DNAAF10: variants seen among roughly 807,000 people sequenced by gnomAD.
DNAAF10 encodes the protein dynein axonemal assembly factor 10.
DNAAF10 carries 28 observed loss-of-function variants against 43.7 expected under a neutral mutation model. That is an observed-to-expected ratio of 0.64 (90% CI 0.48 to 0.88). DNAAF10 has a LOEUF of 0.88. Ranked by LOEUF, DNAAF10 falls within the 40% of genes least tolerant of loss-of-function variation. The pLI, the probability that DNAAF10 is intolerant of heterozygous loss-of-function variation, is 0.00. For missense variants in DNAAF10, 403 were observed against 439.1 expected, an observed-to-expected ratio of 0.92 and a Z score of 0.73; for synonymous variants, 156 against 157.3, an observed-to-expected ratio of 0.99 and a Z score of 0.06.
intron 1 of DNAAF10, among the ~76,000 whole-genome samples, chr2:68,149,327 A>C (rs902326067): frequency 3.3e-5 from 5 of 152,200 alleles, no homozygotes; most frequent in African/African-American, 4.8e-5. Flanking sequence ...TACGTGGCCA[A>C]GTCTAAAAGC....
intron 4 of DNAAF10, among the ~76,000 whole-genome samples, chr2:68,139,094 T>A (rs1673115338): frequency 6.6e-6 from 1 of 152,182 alleles, no homozygotes; most frequent in Admixed American, 6.5e-5. Context: ...TCCCCCCAAA[T>A]CTGATGTTGA....
chr2:68,153,345 T>TAAAAAAA (rs775794947), intron 1 of DNAAF10, among the ~76,000 whole-genome samples: 8 of 98,730 alleles, frequency 8.1e-5, no homozygotes, highest in African/African-American at 1.1e-4. Context: ...AGTGATAAAT[T>TAAAAAAA]AAAAAAAAAA....
chr2:68,135,196 A>T (rs1572916528), intron 6 of DNAAF10, among the ~76,000 whole-genome samples: 1 of 152,182 alleles, frequency 6.6e-6, no homozygotes, highest in Non-Finnish European at 1.5e-5. Context: ...GGACTGAATT[A>T]AAAAAATACA....
At chr2:68,131,508 A>G (rs1672931008) in intron 7 of DNAAF10, 63 bp from the exon 8 acceptor site, 1 of 1,506,142 alleles carries the variant, frequency 6.6e-7, no homozygotes, top group South Asian at 1.1e-5. Flanking sequence ...TTATTTTTAT[A>G]CATACACTTC....
Position 68,134,161 on chromosome 2 carries a change from T to C in DNAAF10, c.866+541A>G, listed in dbSNP as rs75479254. The C allele has an allele frequency of 7.9e-4, 778 of 985,662 alleles. 6 individuals are homozygous for C. The African/African-American group carries it at 0.013, about 16-fold the overall frequency. 61.1% of individuals were successfully genotyped at this position (985,662 alleles called of 1,614,324 possible). Reference sequence around the variant, plus strand: ...TTCACAGGCCAACCCTGAGCAATGATATCAGACCTTTTAAATGATCTAGTA... The same window carrying C: ...TTCACAGGCCAACCCTGAGCAATGACATCAGACCTTTTAAATGATCTAGTA... On this transcript the variant is annotated intron_variant, in intron 7 of 7. Coordinates refer to ENST00000295121, the MANE Select transcript of DNAAF10 (RefSeq NM_138458.4).
Position 68,135,027 on chromosome 2 carries a change from G to A in DNAAF10, c.769-228C>T, listed in dbSNP as rs578064391. Among the ~76,000 whole-genome samples the A allele has an allele frequency of 3.2e-4, 48 of 152,034 alleles. 1 individual carries two copies. The highest frequency in any genetic ancestry group is 1.2e-3 in the Admixed American group (18 of 15,278). On this transcript the variant is annotated intron_variant, in intron 6 of 7. Coordinates refer to ENST00000295121, the MANE Select transcript of DNAAF10 (RefSeq NM_138458.4). ...TTGCTTTATGAAACAAAGTTCTACT[G>A]GATTTTTAAAAAGACAGGTATTAAA...
chr2:68,131,211 C>A lies in DNAAF10; in HGVS notation c.*27G>T. 6.2e-7 allele frequency: 1 copy of A among 1,612,768 alleles called. No individual in the cohort carries two copies. Among genetic ancestry groups the A allele is most frequent in the South Asian group, 1.1e-5 (1 of 91,032 alleles). On this transcript the variant is annotated 3_prime_UTR_variant, in exon 8 of 8. Coordinates refer to ENST00000295121, the MANE Select transcript of DNAAF10 (RefSeq NM_138458.4). ...GGGATTACAGGAGTGAGCCACCGTG[C>A]CCAGCCTCAAGTCCAAAGTCTTGAA...
intron 5 of DNAAF10, among the ~76,000 whole-genome samples, chr2:68,137,842 G>A (rs2103886790): frequency 6.7e-6 from 1 of 149,664 alleles, no homozygotes; most frequent in Admixed American, 6.7e-5. Flanking sequence ...ACTCCATCCT[G>A]GGCGACAGAG....
chr2:68,154,543 G>C (rs951250802), intron 1 of DNAAF10, among the ~76,000 whole-genome samples: 2 of 152,186 alleles, frequency 1.3e-5, no homozygotes, highest in African/African-American at 4.8e-5. Flanking sequence ...ACCACACCCG[G>C]CGTGAAAATA....
chr2:68,134,625 GA>G (rs371418782), intron 7 of DNAAF10, 76 bp downstream of exon 7: 11 of 1,567,076 alleles, frequency 7.0e-6, no homozygotes, highest in South Asian at 4.9e-5. Context: ...GGAAAAAAAA[GA>G]AAAAAAAGTT....
intron 1 of DNAAF10, among the ~76,000 whole-genome samples, chr2:68,153,585 G>A (rs1673508144): frequency 6.6e-6 from 1 of 151,932 alleles, no homozygotes; most frequent in African/African-American, 2.4e-5. Flanking sequence ...ATTTCTAGGG[G>A]TGGGACCAAG....
chr2:68,139,166 C>G (rs1007126798), intron 4 of DNAAF10, among the ~76,000 whole-genome samples: 34 of 152,172 alleles, frequency 2.2e-4, no homozygotes, highest in African/African-American at 8.2e-4. Flanking sequence ...GGGGCTGGAT[C>G]CCTCGTGAAT....
intron 5 of DNAAF10, among the ~76,000 whole-genome samples, chr2:68,138,417 G>A (rs1250423837): frequency 1.3e-5 from 2 of 152,138 alleles, no homozygotes; most frequent in East Asian, 3.9e-4. Flanking sequence ...TACTGTTTCA[G>A]GCTTTCTGAT....
intron 7 of DNAAF10, 30 bp from the exon 8 acceptor site, chr2:68,131,475 C>T: frequency 1.4e-6 from 2 of 1,458,778 alleles, no homozygotes; most frequent in Non-Finnish European, 9.4e-7. Flanking sequence ...GGTAAGAGCG[C>T]ATAAATCTTA....
chr2:68,150,576 T>C (rs1673432355), intron 1 of DNAAF10, among the ~76,000 whole-genome samples: 1 of 151,526 alleles, frequency 6.6e-6, no homozygotes, highest in Non-Finnish European at 1.5e-5. Flanking sequence ...CTACTAAAAA[T>C]ACAAAAATTA....
chr2:68,144,103 C>A (rs775636424), intron 3 of DNAAF10, among the ~76,000 whole-genome samples: 4 of 152,176 alleles, frequency 2.6e-5, no homozygotes, highest in Non-Finnish European at 5.9e-5. Flanking sequence ...TTGTTGGTCA[C>A]TGCAGGGTGG....
At chr2:68,137,256 G>C (rs758605538) in intron 6 of DNAAF10, 43 bp downstream of exon 6, 1 of 1,585,172 alleles carries the variant, frequency 6.3e-7, no homozygotes, top group Non-Finnish European at 8.6e-7. Flanking sequence ...TCTAAACCAA[G>C]CTATCATTCT....
chr2:68,134,463 A>G lies in DNAAF10; in HGVS notation c.866+239T>C, dbSNP rs543997909. 1.7e-5 allele frequency: 22 copies of G among 1,285,558 alleles called. No individual in the cohort carries two copies. The South Asian group carries it at 3.8e-4, about 22-fold the overall frequency. 79.6% of individuals were successfully genotyped at this position (1,285,558 alleles called of 1,614,324 possible). A position where few individuals can be genotyped will look rare whatever the true frequency, so the allele number is the denominator to read the frequency against. ...TTGGGCCAACTTTTTCATACTTAGA[A>G]GACACAACTAAAATGATATACTAAA... is the stretch of plus-strand genomic sequence containing the variant. On this transcript the variant is annotated intron_variant, in intron 7 of 7. Coordinates refer to ENST00000295121, the MANE Select transcript of DNAAF10 (RefSeq NM_138458.4).
chr2:68,157,327 G>T lies in DNAAF10; in HGVS notation c.117C>A (p.Phe39Leu). 6.2e-7 allele frequency: 1 copy of T among 1,614,170 alleles called. No homozygotes were observed. Among genetic ancestry groups the T allele is most frequent in the East Asian group, 2.2e-5 (1 of 44,868 alleles). Residue 39 changes from phenylalanine to leucine, a missense_variant, in exon 1 of 8, where the codon TTC becomes TTA. Coordinates refer to ENST00000295121, the MANE Select transcript of DNAAF10 (RefSeq NM_138458.4). ...CSAKFVTMGN[F>L]ARGTGVIQLY... ...GCTGAATGACGCCGGTGCCCCGTGC[G>T]AAGTTGCCCATGGTCACAAATTTGG...
Sources: allele counts gnomAD v4.1 joint callset (sites outside exome capture counted in the v4.1 genomes callset), GRCh38; gene constraint gnomAD v4.1.1; transcripts MANE v1.5; gene names NCBI Gene and HGNC (gene_info 2026-07-23, HGNC 2026-07-21).